EXT1: variants seen among roughly 807,000 people sequenced by gnomAD.
EXT1 encodes the protein exostosin-1.
A neutral mutation model predicts 82.5 loss-of-function variants in EXT1; 20 were observed. The ratio of observed to expected loss-of-function variants is 0.24; its 90% CI spans 0.17 to 0.35. The LOEUF (loss-of-function observed/expected upper bound fraction) is 0.35. Among genes scored for constraint, EXT1 ranks in the 10% least tolerant of loss-of-function variants. EXT1 has a pLI of 1.00. For missense variants in EXT1, 757 were observed against 936.5 expected (o/e 0.81, Z 2.50); for synonymous variants, 348 against 350.8 (o/e 0.99, Z 0.09).
At position 117,819,902 on chromosome 8, in the gene EXT1, G is replaced by T. The variant is rs1176587658; in HGVS notation, c.1418-108C>A. 20 of 1,039,996 alleles carry T rather than the reference G, an allele frequency of 1.9e-5. No individual in the cohort carries two copies. In the South Asian group the frequency reaches 2.5e-4, roughly 13 times the overall value. 64.4% of individuals were successfully genotyped at this position (1,039,996 alleles called of 1,614,324 possible). ...ATGCTGGAGCAAATGTTCCCTCCTG[G>T]ATGATTTCTCCTTTGCTTCTTATGT... On this transcript the variant is annotated intron_variant, in intron 5 of 10. Coordinates refer to ENST00000378204, the MANE Select transcript of EXT1 (RefSeq NM_000127.3).
chr8:117,862,665 C>T (rs1812705450), intron 1 of EXT1, among the ~76,000 whole-genome samples: 2 of 145,558 alleles, frequency 1.4e-5, no homozygotes, highest in African/African-American at 4.9e-5. Context: ...TCCGTGGAGA[C>T]TGTGGCTTAC....
At chr8:117,953,029 A>G (rs1814521036) in intron 1 of EXT1, among the ~76,000 whole-genome samples, 1 of 152,140 alleles carries the variant, frequency 6.6e-6, no homozygotes, top group South Asian at 2.1e-4. Flanking sequence ...TGTTTTAATT[A>G]TCTTAATTAA....
Position 117,804,736 on chromosome 8 carries a change from T to C in EXT1, c.2041A>G (p.Thr681Ala). ...TCTATACTTACCTGTCCCATCATTG[T>C]CTCCTTATACTGCTTCTTCTGGGTC... ...KVTQKKQYKE[T>A]MMGQTSRASR... The change falls in exon 10 of 11, where the codon ACA becomes GCA. Residue 681 changes from threonine to alanine, a missense_variant. Coordinates refer to ENST00000378204, the MANE Select transcript of EXT1 (RefSeq NM_000127.3). 6.2e-7 allele frequency: 1 copy of C among 1,614,084 alleles called. No homozygotes were observed. Among genetic ancestry groups the C allele is most frequent in the South Asian group, 1.1e-5 (1 of 91,082 alleles).
At chr8:117,929,600 T>C (rs998734711) in intron 1 of EXT1, among the ~76,000 whole-genome samples, 4 of 152,218 alleles carry the variant, frequency 2.6e-5, no homozygotes, top group Non-Finnish European at 4.4e-5. Flanking sequence ...TAGATTTTTC[T>C]AGTAAGTCAT....
At chr8:118,042,979 C>T (rs1317704697) in intron 1 of EXT1, among the ~76,000 whole-genome samples, 6 of 152,190 alleles carry the variant, frequency 3.9e-5, no homozygotes, top group Admixed American at 2.0e-4. Flanking sequence ...AACTCTATGG[C>T]GCACTCTGTT....
chr8:117,818,237 G>T (rs1282505587), intron 7 of EXT1, among the ~76,000 whole-genome samples, 198 bp downstream of exon 7: 2 of 152,204 alleles, frequency 1.3e-5, no homozygotes, highest in African/African-American at 2.4e-5. Context: ...AGCTATAAAA[G>T]AGTTGGTATC....
At chr8:117,897,740 G>A (rs1009231510) in intron 1 of EXT1, among the ~76,000 whole-genome samples, 4 of 151,632 alleles carry the variant, frequency 2.6e-5, no homozygotes, top group Admixed American at 2.0e-4. Flanking sequence ...GATTACAGGC[G>A]CGTACAACCA....
intron 1 of EXT1, among the ~76,000 whole-genome samples, chr8:117,973,385 CAG>C (rs1239448288): frequency 6.6e-6 from 1 of 152,184 alleles, no homozygotes; most frequent in African/African-American, 2.4e-5. Flanking sequence ...TGTGAACAAA[CAG>C]ATGAAAACTC....
At chr8:118,023,351 A>G (rs1278961634) in intron 1 of EXT1, among the ~76,000 whole-genome samples, 1 of 152,248 alleles carries the variant, frequency 6.6e-6, no homozygotes, top group East Asian at 1.9e-4. Context: ...ATTCCTGACT[A>G]TTGGCAATTA....
At chr8:118,030,029 C>T (rs1816278326) in intron 1 of EXT1, among the ~76,000 whole-genome samples, 1 of 152,158 alleles carries the variant, frequency 6.6e-6, no homozygotes, top group Admixed American at 6.5e-5. Flanking sequence ...GATATTTATC[C>T]AGAAAATTCC....
At chr8:117,840,618 GAA>G (rs939631711) in intron 1 of EXT1, among the ~76,000 whole-genome samples, 2 of 89,680 alleles carry the variant, frequency 2.2e-5, no homozygotes, top group Non-Finnish European at 2.4e-5. Context: ...ATCTCAAAAA[GAA>G]AAAAAAAAAA....
chr8:117,815,395 T>A (rs1811789422), intron 7 of EXT1, among the ~76,000 whole-genome samples: 2 of 152,226 alleles, frequency 1.3e-5, no homozygotes, highest in Non-Finnish European at 2.9e-5. Flanking sequence ...AGGATCTGTT[T>A]CCTTTTTTTC....
At chr8:117,887,640 A>G (rs532735245) in intron 1 of EXT1, among the ~76,000 whole-genome samples, 67 of 151,470 alleles carry the variant, frequency 4.4e-4, no homozygotes, top group African/African-American at 1.6e-3. Flanking sequence ...GTGAGCCAAC[A>G]TGCCCAGCCC....
intron 1 of EXT1, among the ~76,000 whole-genome samples, chr8:118,006,988 T>C (rs1049731309): frequency 6.6e-6 from 1 of 152,236 alleles, no homozygotes; most frequent in Non-Finnish European, 1.5e-5. Context: ...TGGCAATTAA[T>C]TCAATTTTTT....
intron 1 of EXT1, among the ~76,000 whole-genome samples, chr8:118,011,465 G>T (rs914721266): frequency 6.6e-6 from 1 of 152,170 alleles, no homozygotes; most frequent in African/African-American, 2.4e-5. Context: ...CCATATTAGG[G>T]TATGAAGAGG....
At position 117,798,112 on chromosome 8, in the gene EXT1, A is replaced by G. The variant is rs141937592; in HGVS notation, c.*1600T>C. Reference sequence around the variant, plus strand: ...GATGTCTACAAAGAAAGGATGAGGTAAAGTCCAATGGACTTACGGTTTCCA... The same window carrying G: ...GATGTCTACAAAGAAAGGATGAGGTGAAGTCCAATGGACTTACGGTTTCCA... On this transcript the variant is annotated 3_prime_UTR_variant, in exon 11 of 11. Transcript: ENST00000378204. 5.3e-5 allele frequency: 8 copies of G among 152,344 alleles called. No individual in the cohort carries two copies. The highest frequency in any genetic ancestry group is 1.7e-4 in the African/African-American group (7 of 41,580). The allele number at this position is 152,344 out of a possible 1,614,324, so 9.4% of individuals were successfully genotyped here. A position where few individuals can be genotyped will look rare whatever the true frequency, so the allele number is the denominator to read the frequency against.
intron 10 of EXT1, among the ~76,000 whole-genome samples, chr8:117,801,988 A>G (rs1337433525): frequency 2.0e-5 from 3 of 152,220 alleles, no homozygotes; most frequent in African/African-American, 7.2e-5. Flanking sequence ...ATTTATTCTG[A>G]GTCAACCAAC....
intron 1 of EXT1, among the ~76,000 whole-genome samples, chr8:117,876,040 C>A (rs1217890334): frequency 6.6e-6 from 1 of 152,152 alleles, no homozygotes; most frequent in South Asian, 2.1e-4. Context: ...CCTATCCATG[C>A]CAGAAACTAT....
At chr8:117,824,178 T>C (rs1472541041) in intron 4 of EXT1, among the ~76,000 whole-genome samples, 4 of 152,198 alleles carry the variant, frequency 2.6e-5, no homozygotes, top group South Asian at 2.1e-4. Context: ...GATATCAAGA[T>C]AGAAAATAAA....
Sources: allele counts gnomAD v4.1 joint callset (sites outside exome capture counted in the v4.1 genomes callset), GRCh38; gene constraint gnomAD v4.1.1; transcripts MANE v1.5; gene names NCBI Gene and HGNC (gene_info 2026-07-23, HGNC 2026-07-21).